Variants in DACH1 observed in about 807,000 individuals in gnomAD.
DACH1 encodes the protein dachshund homolog 1.
In DACH1, 12 loss-of-function variants were observed where a neutral mutation model predicts 54.2. The observed-to-expected ratio is 0.22, with a 90% confidence interval of 0.14 to 0.36. The LOEUF (loss-of-function observed/expected upper bound fraction) is 0.36, where lower values mean the gene tolerates loss of function less well. Ranked by LOEUF, DACH1 falls within the 10% of genes least tolerant of loss-of-function variation. The pLI is 1.00. For synonymous variants in DACH1, 386 were observed against 366.2 expected (o/e 1.05, Z -0.62); for missense variants, 805 against 929.8 (o/e 0.87, Z 1.75).
At chr13:71,590,939 C>A (rs1267810430) in intron 3 of DACH1, among the ~76,000 whole-genome samples, 2 of 127,758 alleles carry the variant, frequency 1.6e-5, no homozygotes, top group African/African-American at 3.0e-5. Context: ...AGTGCAGGGG[C>A]GCCATCTCAG....
At chr13:71,523,047 G>A (rs1405028865) in intron 6 of DACH1, among the ~76,000 whole-genome samples, 2 of 152,034 alleles carry the variant, frequency 1.3e-5, no homozygotes, top group Non-Finnish European at 1.5e-5. Flanking sequence ...ACAGATGCTC[G>A]AGTGTAGGAA....
At chr13:71,731,190 A>G (rs190626315) in intron 1 of DACH1, among the ~76,000 whole-genome samples, 55 of 152,216 alleles carry the variant, frequency 3.6e-4, no homozygotes, top group Admixed American at 1.8e-3. Context: ...AAAATACAAC[A>G]GCACAAGATT....
chr13:71,862,535 T>G (rs1457467324), intron 1 of DACH1, among the ~76,000 whole-genome samples: 9 of 152,064 alleles, frequency 5.9e-5, no homozygotes, highest in Admixed American at 5.9e-4. Context: ...AGACCTTTAT[T>G]TTTTAGCTTT....
intron 1 of DACH1, among the ~76,000 whole-genome samples, chr13:71,792,266 ATAAT>A (rs1433911210): frequency 1.3e-5 from 2 of 152,152 alleles, no homozygotes; most frequent in African/African-American, 2.4e-5. Flanking sequence ...ATAGAAATAA[ATAAT>A]TAAGTATAAT....
Position 71,630,699 on chromosome 13 carries a change from G to A in DACH1, c.983C>T (p.Ala328Val). 1 of 1,586,282 alleles carries A rather than the reference G, an allele frequency of 6.3e-7. No homozygotes were observed. Among genetic ancestry groups the A allele is most frequent in the Non-Finnish European group, 8.5e-7 (1 of 1,172,704 alleles). Reference sequence around the variant, plus strand: ...TGCATTGGTAGCAGCAGCAGCTGCTGCAGCGGCTGCTGTCAGACCTTAAAA... The same window carrying A: ...TGCATTGGTAGCAGCAGCAGCTGCTACAGCGGCTGCTGTCAGACCTTAAAA... ...IPPTGLTAAAAAAAAATNAAI... is the reference protein window; with the variant it reads ...IPPTGLTAAAVAAAAATNAAI... Residue 328 changes from alanine to valine, a missense_variant, in exon 3 of 11, where the codon GCA becomes GTA. Ala to Val is a moderately conservative substitution (Grantham distance 64). Transcript: ENST00000613252.
intron 1 of DACH1, among the ~76,000 whole-genome samples, chr13:71,824,085 C>A (rs913655306): frequency 2.0e-5 from 3 of 151,794 alleles, no homozygotes; most frequent in African/African-American, 7.2e-5. Flanking sequence ...ATATTATATT[C>A]AATTTAAAAA....
At chr13:71,646,014 C>T (rs189243340) in intron 2 of DACH1, among the ~76,000 whole-genome samples, 136 of 152,210 alleles carry the variant, frequency 8.9e-4, no homozygotes, top group African/African-American at 3.1e-3. Flanking sequence ...TATACTCTTT[C>T]CTGTTTAACA....
chr13:71,803,359 T>C (rs944102870), intron 1 of DACH1, among the ~76,000 whole-genome samples: 8 of 152,180 alleles, frequency 5.3e-5, no homozygotes, highest in African/African-American at 1.9e-4. Flanking sequence ...GTATATTTTT[T>C]GATGCGTTTA....
At chr13:71,838,506 A>G (rs1888884600) in intron 1 of DACH1, among the ~76,000 whole-genome samples, 1 of 152,230 alleles carries the variant, frequency 6.6e-6, no homozygotes, top group Admixed American at 6.5e-5. Flanking sequence ...AATACTACAT[A>G]GAATTGTTAA....
intron 6 of DACH1, among the ~76,000 whole-genome samples, chr13:71,507,059 A>T (rs1297249925): frequency 1.3e-5 from 2 of 151,556 alleles, no homozygotes. Context: ...GACAAATGGG[A>T]TCTAATTAAA....
At chr13:71,655,966 A>G (rs1879065270) in intron 2 of DACH1, among the ~76,000 whole-genome samples, 1 of 152,202 alleles carries the variant, frequency 6.6e-6, no homozygotes, top group Non-Finnish European at 1.5e-5. Flanking sequence ...TATAAAAAAG[A>G]AAGTAGAAAG....
intron 2 of DACH1, among the ~76,000 whole-genome samples, chr13:71,654,521 C>T (rs982038998): frequency 9.1e-6 from 1 of 109,532 alleles, no homozygotes; most frequent in Non-Finnish European, 2.1e-5. Context: ...AAATAAAATA[C>T]AACTAATAAA....
intron 6 of DACH1, among the ~76,000 whole-genome samples, chr13:71,555,904 A>G (rs1156266474): frequency 6.6e-6 from 1 of 152,122 alleles, no homozygotes; most frequent in African/African-American, 2.4e-5. Flanking sequence ...CTATTTCTCA[A>G]TTATGCCTAG....
At chr13:71,766,553 T>C (rs1375862964) in intron 1 of DACH1, among the ~76,000 whole-genome samples, 1 of 152,144 alleles carries the variant, frequency 6.6e-6, no homozygotes, top group Non-Finnish European at 1.5e-5. Flanking sequence ...CTGTAGGGAA[T>C]GTTTGGGCTT....
At chr13:71,591,595 C>T (rs1873716633) in intron 3 of DACH1, among the ~76,000 whole-genome samples, 1 of 151,990 alleles carries the variant, frequency 6.6e-6, no homozygotes. Context: ...GTCATGTAGC[C>T]TCTGACAAAC....
chr13:71,540,407 GA>G (rs1883057912), intron 6 of DACH1, among the ~76,000 whole-genome samples: 2 of 152,096 alleles, frequency 1.3e-5, no homozygotes, highest in South Asian at 4.1e-4. Flanking sequence ...CAAGTTGGCA[GA>G]AAAATAGATT....
intron 6 of DACH1, among the ~76,000 whole-genome samples, chr13:71,493,061 C>T (rs777181297): frequency 8.7e-5 from 13 of 149,846 alleles, no homozygotes; most frequent in African/African-American, 2.0e-4. Context: ...GTAGTAAGCA[C>T]GAAGTGGCCT....
intron 2 of DACH1, chr13:71,675,506 C>G (rs1880507705): frequency 3.2e-6 from 4 of 1,256,474 alleles, no homozygotes; most frequent in Non-Finnish European, 4.1e-6. Flanking sequence ...ATTTCATTCT[C>G]AAAAAAAAAA....
intron 3 of DACH1, among the ~76,000 whole-genome samples, chr13:71,605,953 T>C (rs1217559305): frequency 1.3e-5 from 2 of 152,048 alleles, no homozygotes; most frequent in Non-Finnish European, 2.9e-5. Context: ...TGGTGGCACT[T>C]TGCAGCTATC....
Sources: allele counts gnomAD v4.1 joint callset (sites outside exome capture counted in the v4.1 genomes callset), GRCh38; gene constraint gnomAD v4.1.1; transcripts MANE v1.5; gene names NCBI Gene and HGNC (gene_info 2026-07-23, HGNC 2026-07-21).